Variants in GAS2 observed in about 807,000 individuals in gnomAD.
GAS2 encodes the protein growth arrest specific 2.
GAS2 carries 20 observed loss-of-function variants against 37.5 expected under a neutral mutation model. That is an observed-to-expected ratio of 0.53 (90% CI 0.37 to 0.77). The LOEUF (loss-of-function observed/expected upper bound fraction) is 0.77, where lower values mean the gene tolerates loss of function less well. GAS2 is among the 30% of genes least tolerant of loss of function. The pLI, the probability that GAS2 is intolerant of heterozygous loss-of-function variation, is 0.00. For synonymous variants in GAS2, 144 were observed against 132.2 expected (o/e 1.09, Z -0.61); for missense variants, 336 against 373.4 (o/e 0.90, Z 0.82).
At position 22,809,085 on chromosome 11, in the gene GAS2, A is replaced by G. The variant is rs374319277; in HGVS notation, c.724-2713A>G. On this transcript the variant is annotated intron_variant, in intron 7 of 7. Transcript: ENST00000454584. ...TGATTTGATTTGCTTGGGTCCTAAA[A>G]TCTGGTTCTCAGTGTCTACATATGT... Among the ~76,000 whole-genome samples, 14 of 152,270 alleles carry G rather than the reference A, an allele frequency of 9.2e-5. No homozygotes were observed. In the East Asian group the frequency reaches 2.3e-3, roughly 25 times the overall value.
At position 22,741,043 on chromosome 11, in the gene GAS2, A is replaced by C. The variant is rs368600908; in HGVS notation, c.473+3275A>C. Among the ~76,000 whole-genome samples the C allele has an allele frequency of 3.0e-4, 45 of 152,280 alleles. No homozygotes were observed. The East Asian group carries it at 5.6e-3, about 19-fold the overall frequency. ...CCAGATTACATAAACATAATTTTAA[A>C]ACCATAAACATCACTTTGGAAATGA... On this transcript the variant is annotated intron_variant, in intron 5 of 7. Coordinates refer to ENST00000454584, the MANE Select transcript of GAS2 (RefSeq NM_001143830.3).
At chr11:22,807,690 T>G (rs1564897890) in intron 7 of GAS2, among the ~76,000 whole-genome samples, 1 of 152,180 alleles carries the variant, frequency 6.6e-6, no homozygotes, top group Non-Finnish European at 1.5e-5. Flanking sequence ...CTTTTTCAGG[T>G]GCTGCAGCCT....
At chr11:22,693,348 G>C (rs1047567396) in intron 3 of GAS2, among the ~76,000 whole-genome samples, 1 of 152,166 alleles carries the variant, frequency 6.6e-6, no homozygotes, top group Non-Finnish European at 1.5e-5. Context: ...TCATTGAAAA[G>C]ACCACATCTG....
chr11:22,739,572 CAAAAAAAAAA>C (rs71037525), intron 5 of GAS2, among the ~76,000 whole-genome samples: 57 of 64,662 alleles, frequency 8.8e-4, no homozygotes, highest in African/African-American at 2.6e-3. Flanking sequence ...GATTCGCTCT[CAAAAAAAAAA>C]AAAAAAAAAA....
intron 1 of GAS2, among the ~76,000 whole-genome samples, chr11:22,671,429 A>T (rs1433547363): frequency 1.3e-5 from 2 of 152,142 alleles, no homozygotes; most frequent in African/African-American, 4.8e-5. Flanking sequence ...AAAGTTACTT[A>T]TCAAGCTTTT....
intron 3 of GAS2, among the ~76,000 whole-genome samples, chr11:22,694,641 C>T (rs778338242): frequency 1.2e-4 from 19 of 152,030 alleles, no homozygotes; most frequent in Non-Finnish European, 2.4e-4. Flanking sequence ...GCTTTTTGTG[C>T]CATTTAGTGT....
chr11:22,782,246 A>G (rs1025566428), intron 7 of GAS2, among the ~76,000 whole-genome samples: 3 of 152,208 alleles, frequency 2.0e-5, no homozygotes, highest in African/African-American at 7.2e-5. Context: ...TGTGAGAGCT[A>G]GAGAGGACAG....
intron 4 of GAS2, among the ~76,000 whole-genome samples, chr11:22,735,969 A>G (rs181154306): frequency 1.3e-5 from 2 of 150,026 alleles, no homozygotes; most frequent in Non-Finnish European, 3.0e-5. Context: ...CTCCCACTCA[A>G]AACTCCTTTT....
At chr11:22,782,078 CTG>C in intron 7 of GAS2, among the ~76,000 whole-genome samples, 1 of 152,250 alleles carries the variant, frequency 6.6e-6, no homozygotes, top group South Asian at 2.1e-4. Context: ...TCTTTCAGCA[CTG>C]TGTGTGTGAA....
rs1414589176 is a variant in GAS2 at position 22,800,692 on chromosome 11, G to T, written c.724-11106G>T. ...GATTTGTCACTGTCATCCTGAGAGG[G>T]CGATGACACCTGACACATTTCATAC... On this transcript the variant is annotated intron_variant, in intron 7 of 7. Coordinates refer to ENST00000454584, the MANE Select transcript of GAS2 (RefSeq NM_001143830.3). Among the ~76,000 whole-genome samples, 4 of 152,174 alleles carry T rather than the reference G, an allele frequency of 2.6e-5. No individual in the cohort carries two copies. The East Asian group carries it at 7.7e-4, about 29-fold the overall frequency.
intron 1 of GAS2, among the ~76,000 whole-genome samples, chr11:22,637,022 T>C (rs1038914749): frequency 3.7e-5 from 5 of 136,526 alleles, no homozygotes; most frequent in Admixed American, 7.6e-5. Context: ...TATTATATAT[T>C]ATATATTCTG....
rs144770740 is a variant in GAS2, at chr11:22,796,053, T to G, written c.724-15745T>G. On this transcript the variant is annotated intron_variant, in intron 7 of 7. Transcript: ENST00000454584. The stretch of plus-strand genomic sequence containing the variant: ...CAATGAAATTTTCGCTGTATTTGCT[T>G]TATCATATATTTTTCCTTCTCTCCA... Among the ~76,000 whole-genome samples, 392 of 152,254 alleles carry G rather than the reference T, an allele frequency of 2.6e-3. 3 individuals carry two copies. Among genetic ancestry groups the G allele is most frequent in the African/African-American group, 8.9e-3 (368 of 41,562 alleles).
At chr11:22,688,577 T>C (rs533288800) in intron 3 of GAS2, 1 of 152,286 alleles carries the variant, frequency 6.6e-6, no homozygotes, top group Non-Finnish European at 1.5e-5. Context: ...GTACTTTCCT[T>C]TTAAACAGCC....
intron 1 of GAS2, among the ~76,000 whole-genome samples, chr11:22,647,774 G>GT (rs1246579720): frequency 1.3e-5 from 2 of 151,930 alleles, no homozygotes; most frequent in Non-Finnish European, 2.9e-5. Context: ...GGGGTTGTTT[G>GT]TTTTTTTCTT....
intron 7 of GAS2, among the ~76,000 whole-genome samples, chr11:22,758,770 G>A (rs1017986420): frequency 7.2e-5 from 11 of 152,014 alleles, no homozygotes; most frequent in Middle Eastern, 3.4e-3. Context: ...AAAATTAGCT[G>A]GGCTTGGTGG....
intron 2 of GAS2, among the ~76,000 whole-genome samples, chr11:22,679,147 A>G (rs981729208): frequency 2.0e-5 from 3 of 152,072 alleles, no homozygotes; most frequent in African/African-American, 4.8e-5. Flanking sequence ...CTGATCTTAT[A>G]GAAAATACTC....
At chr11:22,808,918 C>T (rs909993731) in intron 7 of GAS2, among the ~76,000 whole-genome samples, 4 of 152,134 alleles carry the variant, frequency 2.6e-5, no homozygotes, top group African/African-American at 7.2e-5. Flanking sequence ...ATTATAAAAG[C>T]CCTAGTGATT....
chr11:22,682,787 A>G (rs1305892298), intron 2 of GAS2, among the ~76,000 whole-genome samples: 1 of 144,378 alleles, frequency 6.9e-6, no homozygotes, highest in Non-Finnish European at 1.5e-5. Context: ...CAGAGGTTGC[A>G]GTGAGCCAAG....
At chr11:22,748,894 G>A (rs1853565043) in intron 5 of GAS2, among the ~76,000 whole-genome samples, 1 of 151,998 alleles carries the variant, frequency 6.6e-6, no homozygotes, top group South Asian at 2.1e-4. Flanking sequence ...AGTATACTAT[G>A]TGTGTCCATA....
Sources: allele counts gnomAD v4.1 joint callset (sites outside exome capture counted in the v4.1 genomes callset), GRCh38; gene constraint gnomAD v4.1.1; transcripts MANE v1.5; gene names NCBI Gene and HGNC (gene_info 2026-07-23, HGNC 2026-07-21).